MICALL1: variants seen among roughly 807,000 people sequenced by gnomAD.
The protein encoded by MICALL1 is MICAL like 1, also known as MICAL-like protein 1.
In MICALL1, 61 loss-of-function variants were observed where a neutral mutation model predicts 83.7. The ratio of observed to expected loss-of-function variants is 0.73; its 90% CI spans 0.59 to 0.90. The LOEUF is 0.90. MICALL1 is among the 40% of genes least tolerant of loss of function. MICALL1 has a pLI of 0.00. For missense variants in MICALL1, 1,066 were observed against 1,152.0 expected (o/e 0.93, Z 1.08); for synonymous variants, 481 against 473.6 (o/e 1.02, Z -0.20).
At chr22:37,910,863 T>C (rs1160289883) in intron 1 of MICALL1, among the ~76,000 whole-genome samples, 1 of 152,156 alleles carries the variant, frequency 6.6e-6, no homozygotes, top group African/African-American at 2.4e-5. Context: ...CATGGGACAA[T>C]GAATGCTGGA....
intron 4 of MICALL1, among the ~76,000 whole-genome samples, chr22:37,918,703 C>T (rs980375938): frequency 6.6e-6 from 1 of 152,212 alleles, no homozygotes; most frequent in Non-Finnish European, 1.5e-5. Context: ...GCAGGAGCCG[C>T]CAAGGGGAAG....
intron 14 of MICALL1, 92 bp downstream of exon 14, chr22:37,937,286 A>C: frequency 9.1e-7 from 1 of 1,104,398 alleles, no homozygotes; most frequent in South Asian, 1.4e-5. Flanking sequence ...TGGAGAGCCA[A>C]AGACACAGTC....
chr22:37,927,633 C>T lies in MICALL1; in HGVS notation c.1688C>T (p.Ser563Phe), dbSNP rs780017679. Residue 563 changes from serine to phenylalanine, a missense_variant, in exon 9 of 16, where the codon TCT (serine) becomes TTT (phenylalanine). Physicochemically the swap from Ser to Phe is radical, Grantham distance 155. Transcript: ENST00000215957. ...SLSTNSSLAS[S>F]GELVEPRVEQ... ...TCTACCAACTCCTCCCTGGCCTCCT[C>T]TGGGGAACTAGTGGAGCCTAGAGTG... 1.9e-6 allele frequency: 3 copies of T among 1,614,172 alleles called. No homozygotes were observed. The East Asian group carries it at 6.7e-5, about 36-fold the overall frequency.
rs1372301459 is a variant in MICALL1 at position 37,929,184 on chromosome 22, C to T, written c.1881+1358C>T. ...TGCTCAGGGAGATAGGCATAATGGG[C>T]ATTTTGGAAGGTGACCTAGAGTAGA... On this transcript the variant is annotated intron_variant, in intron 9 of 15. Transcript: ENST00000215957. Among the ~76,000 whole-genome samples the T allele has an allele frequency of 5.9e-5, 9 of 152,180 alleles. No homozygotes were observed. In the East Asian group the frequency reaches 1.7e-3, roughly 29 times the overall value.
intron 7 of MICALL1, 70 bp from the exon 8 acceptor site, chr22:37,925,590 AC>A: frequency 8.8e-7 from 1 of 1,141,562 alleles, no homozygotes; most frequent in Non-Finnish European, 1.3e-6. Flanking sequence ...TAGAGTCAAA[AC>A]TGTCTAGAGA....
rs1269046311 is a variant in MICALL1 at position 37,924,705 on chromosome 22, A to T, written c.1070A>T (p.Lys357Met). ...GTCCCCAAGCCGAGGGGGACACCGA[A>T]GCCGTCCGAGGGGTATGTCGATCCC... is the stretch of plus-strand genomic sequence containing the variant. ...LPVPKPRGTPKPSEGTPAPRK... is the reference protein window; with the variant it reads ...LPVPKPRGTPMPSEGTPAPRK... The change falls in exon 7 of 16, where the codon AAG (lysine) becomes ATG (methionine). Residue 357 changes from lysine (K) to methionine (M), a missense_variant. By Grantham distance (95) the Lys-to-Met change is moderately conservative. Coordinates refer to ENST00000215957, the MANE Select transcript of MICALL1 (RefSeq NM_033386.4). This position sits in a 1 kb window ranked among gnomAD's most constrained non-coding sequence, Gnocchi z 5.2. The T allele has an allele frequency of 6.2e-7, 1 of 1,612,376 alleles. No homozygotes were observed. The highest frequency in any genetic ancestry group is 1.1e-5 in the South Asian group (1 of 90,844).
At chr22:37,911,858 T>G (rs1601804554) in intron 1 of MICALL1, 94 bp from the exon 2 acceptor site, 1 of 1,228,964 alleles carries the variant, frequency 8.1e-7, no homozygotes. Context: ...TGGGACAAGG[T>G]CTTCTCTGTT....
At chr22:37,912,928 T>C (rs1167678415) in intron 3 of MICALL1, among the ~76,000 whole-genome samples, 1 of 151,886 alleles carries the variant, frequency 6.6e-6, no homozygotes, top group East Asian at 1.9e-4. Flanking sequence ...CCCCAAGTGC[T>C]GGGATTACAG....
rs373012639 is a variant in MICALL1 at position 37,912,012 on chromosome 22, G to T, written c.195+12G>T. The T allele has an allele frequency of 1.6e-5, 26 of 1,613,584 alleles. No individual in the cohort carries two copies. The highest frequency in any genetic ancestry group is 2.0e-5 in the Non-Finnish European group (24 of 1,179,918). ...AGAATAACCGTTTGGTAAGTTCCCG[G>T]ACAGGTGGAAGCCCAAGAGGCTCTG... On this transcript the variant is annotated intron_variant, in intron 2 of 15. Coordinates refer to ENST00000215957, the MANE Select transcript of MICALL1 (RefSeq NM_033386.4).
intron 8 of MICALL1, chr22:37,927,196 G>A (rs189821736): frequency 7.7e-5 from 42 of 545,418 alleles, no homozygotes; most frequent in Non-Finnish European, 1.1e-4. Flanking sequence ...CAGGCAGAAC[G>A]CAAGGCGGGC....
intron 4 of MICALL1, 48 bp from the exon 5 acceptor site, chr22:37,918,988 C>T: frequency 1.3e-6 from 2 of 1,506,172 alleles, no homozygotes. Context: ...AACAGGATGG[C>T]TGGTGACCAT....
At chr22:37,914,615 G>GCACA (rs750415790) in intron 3 of MICALL1, among the ~76,000 whole-genome samples, 1 of 149,750 alleles carries the variant, frequency 6.7e-6, no homozygotes, top group South Asian at 2.1e-4. Context: ...ATGCGTGCGC[G>GCACA]CACACACACA....
rs1929901047 is a variant in MICALL1 at position 37,933,255 on chromosome 22, T to C, written c.2308+143T>C. 11 of 800,910 alleles carry C rather than the reference T, an allele frequency of 1.4e-5. 1 individual carries two copies. The highest frequency in any genetic ancestry group is 1.6e-5 in the Non-Finnish European group (8 of 497,510). 49.6% of individuals were successfully genotyped at this position (800,910 alleles called of 1,614,324 possible). On this transcript the variant is annotated intron_variant, in intron 13 of 15. Coordinates refer to ENST00000215957, the MANE Select transcript of MICALL1 (RefSeq NM_033386.4). ...CAGAGGAGGAGGTGCGGGGCAGGGC[T>C]GTCTGGGTCACCCCCAAGGATGGGA...
chr22:37,915,990 T>C (rs909631134), intron 3 of MICALL1, among the ~76,000 whole-genome samples: 34 of 152,320 alleles, frequency 2.2e-4, no homozygotes, highest in Admixed American at 7.2e-4. Context: ...GATTAGCGTT[T>C]AGCTGGATTC....
intron 3 of MICALL1, among the ~76,000 whole-genome samples, chr22:37,915,736 C>T (rs1928636613): frequency 6.6e-6 from 1 of 150,938 alleles, no homozygotes; most frequent in African/African-American, 2.4e-5. Context: ...GCCTCTGCCT[C>T]CCATGTTCAA....
chr22:37,936,161 G>A (rs1387844734), intron 13 of MICALL1, among the ~76,000 whole-genome samples: 3 of 152,192 alleles, frequency 2.0e-5, no homozygotes, highest in Admixed American at 1.3e-4. Context: ...GGGCCCCTGG[G>A]GGTGGTCCTG....
At chr22:37,940,643 G>A in intron 15 of MICALL1, 66 bp from the exon 16 acceptor site, 1 of 1,591,244 alleles carries the variant, frequency 6.3e-7, no homozygotes, top group Non-Finnish European at 8.6e-7. Context: ...GTGTCACTGG[G>A]TCTAGCCTGC....
In MICALL1 at chr22:37,906,591, G is replaced by A. The variant is rs1305237964; in HGVS notation, c.146+23G>A. The A allele has an allele frequency of 2.6e-6, 3 of 1,159,902 alleles. No homozygotes were observed. Among genetic ancestry groups the A allele is most frequent in the African/African-American group, 1.6e-5 (1 of 61,526 alleles). The allele number at this position is 1,159,902 out of a possible 1,614,324, so 71.9% of individuals were successfully genotyped here. ...GCTGTGAGTGCGGGGCCCCGGGCGA[G>A]CGGGCGGCGCGGGGCGGGCTGGGGC... On this transcript the variant is annotated intron_variant, in intron 1 of 15. Coordinates refer to ENST00000215957, the MANE Select transcript of MICALL1 (RefSeq NM_033386.4). This position sits in a 1 kb window ranked among gnomAD's most constrained non-coding sequence, Gnocchi z 4.4.
At chr22:37,934,996 A>G (rs1371269475) in intron 13 of MICALL1, among the ~76,000 whole-genome samples, 7 of 150,556 alleles carry the variant, frequency 4.6e-5, no homozygotes, top group East Asian at 2.0e-4. Flanking sequence ...CAGTGGCACA[A>G]TCTCGGCTCA....
Sources: allele counts gnomAD v4.1 joint callset (sites outside exome capture counted in the v4.1 genomes callset), GRCh38; gene constraint gnomAD v4.1.1; non-coding constraint Gnocchi (gnomAD v3.1); transcripts MANE v1.5; gene names NCBI Gene and HGNC (gene_info 2026-07-23, HGNC 2026-07-21).